Variants in USP13 observed in about 807,000 individuals in gnomAD.
The protein encoded by USP13 is ubiquitin carboxyl-terminal hydrolase 13.
Under a neutral mutation model 107.8 loss-of-function variants are expected in USP13, and 68 were observed. That is an observed-to-expected ratio of 0.63 (90% confidence interval 0.52 to 0.77). The LOEUF is 0.77. USP13 is among the 30% of genes least tolerant of loss of function. USP13 has a pLI of 0.00. For synonymous variants in USP13, 377 were observed against 389.5 expected (o/e 0.97, Z 0.38); for missense variants, 945 against 1,093.3 (o/e 0.86, Z 1.91).
intron 10 of USP13, among the ~76,000 whole-genome samples, chr3:179,737,931 C>G (rs1433118745): frequency 6.6e-6 from 1 of 152,192 alleles, no homozygotes; most frequent in African/African-American, 2.4e-5. Context: ...CAGGGAAATT[C>G]ATCAGATTTT....
chr3:179,667,611 G>A (rs1386892926), intron 1 of USP13, among the ~76,000 whole-genome samples: 1 of 152,102 alleles, frequency 6.6e-6, no homozygotes, highest in Non-Finnish European at 1.5e-5. Context: ...CAGCTGCAGT[G>A]GGGGACAGCA....
chr3:179,777,064 T>C (rs898956779), intron 19 of USP13, among the ~76,000 whole-genome samples: 2 of 152,162 alleles, frequency 1.3e-5, no homozygotes, highest in African/African-American at 4.8e-5. Context: ...TCGTGAATAA[T>C]GCATGGAGCA....
chr3:179,765,238 G>C (rs6777944), intron 18 of USP13, among the ~76,000 whole-genome samples: 7,282 of 152,264 alleles, frequency 0.048, 587 homozygotes, highest in African/African-American at 0.17. Flanking sequence ...CAGGAGAGAA[G>C]GCTCTAACAT....
At chr3:179,664,607 G>C (rs1441790228) in intron 1 of USP13, among the ~76,000 whole-genome samples, 1 of 152,164 alleles carries the variant, frequency 6.6e-6, no homozygotes, top group Admixed American at 6.6e-5. Flanking sequence ...GGTCTGTTCA[G>C]TATTGTGGTG....
intron 1 of USP13, among the ~76,000 whole-genome samples, chr3:179,680,098 A>G: frequency 6.6e-6 from 1 of 151,974 alleles, no homozygotes; most frequent in African/African-American, 2.4e-5. Flanking sequence ...TCTTGGGCCC[A>G]GGAGACTGAG....
At chr3:179,735,687 C>T (rs1395524326) in intron 10 of USP13, among the ~76,000 whole-genome samples, 2 of 152,028 alleles carry the variant, frequency 1.3e-5, no homozygotes, top group Non-Finnish European at 2.9e-5. Flanking sequence ...AGTTATGCAT[C>T]TGTAACTATA....
At chr3:179,726,379 C>T (rs1210888138) in intron 8 of USP13, among the ~76,000 whole-genome samples, 2 of 152,136 alleles carry the variant, frequency 1.3e-5, no homozygotes, top group African/African-American at 4.8e-5. Context: ...AAGGGATCTG[C>T]TTTTGGATTC....
At chr3:179,663,142 C>T (rs553508081) in intron 1 of USP13, among the ~76,000 whole-genome samples, 1 of 152,216 alleles carries the variant, frequency 6.6e-6, no homozygotes, top group Admixed American at 6.5e-5. Flanking sequence ...ACAATGACTC[C>T]CTGTTCTCCC....
chr3:179,752,987 T>C (rs976385925), intron 14 of USP13, among the ~76,000 whole-genome samples: 2 of 152,214 alleles, frequency 1.3e-5, no homozygotes, highest in Non-Finnish European at 2.9e-5. Context: ...CTGACCATTG[T>C]TAGAGGTTAA....
Position 179,742,143 on chromosome 3 carries a change from T to C in USP13, c.1381-54T>C. ...GGTTTAGAGTTCATTTTCTACTAAG[T>C]CTTAGTGGCTCAATATTCATACATT... On this transcript the variant is annotated intron_variant, in intron 11 of 20. Coordinates refer to ENST00000263966, the MANE Select transcript of USP13 (RefSeq NM_003940.3). This position sits in a 1 kb window ranked among gnomAD's most constrained non-coding sequence, Gnocchi z 5.0. 1 of 1,607,956 alleles carries C rather than the reference T, an allele frequency of 6.2e-7. No individual in the cohort carries two copies. Among genetic ancestry groups the C allele is most frequent in the South Asian group, 1.1e-5 (1 of 90,550 alleles).
chr3:179,768,918 A>G (rs1247695045), intron 19 of USP13, among the ~76,000 whole-genome samples: 1 of 152,212 alleles, frequency 6.6e-6, no homozygotes, highest in Non-Finnish European at 1.5e-5. Flanking sequence ...TTGTAAAAAA[A>G]TTAACACTTA....
At chr3:179,728,951 GGGAGAGGGAGACCGTGGGGAGAC>G (rs1337034336) in intron 8 of USP13, among the ~76,000 whole-genome samples, 1 of 150,300 alleles carries the variant, frequency 6.7e-6, no homozygotes, top group Non-Finnish European at 1.5e-5. Flanking sequence ...CGTGGAGAGA[GGGAGAGGGAGACCGTGGGGAGAC>G]GGAGAGGAAG....
At chr3:179,686,042 C>G (rs865895322) in intron 2 of USP13, among the ~76,000 whole-genome samples, 1 of 152,160 alleles carries the variant, frequency 6.6e-6, no homozygotes. Flanking sequence ...AAACCCCACA[C>G]TATGATGGGT....
intron 18 of USP13, 117 bp from the exon 19 acceptor site, chr3:179,765,578 A>AT (rs1715145137): frequency 3.2e-6 from 4 of 1,247,620 alleles, no homozygotes; most frequent in Non-Finnish European, 4.4e-6. Context: ...GGCACTTAGG[A>AT]CTAATTAATT....
chr3:179,714,870 CTTTTT>C (rs34976120), intron 6 of USP13, among the ~76,000 whole-genome samples: 11 of 137,474 alleles, frequency 8.0e-5, no homozygotes, highest in Admixed American at 1.5e-4. Context: ...TTTCCTTTTT[CTTTTT>C]TTTTTTTTTG....
chr3:179,736,196 G>A lies in USP13; in HGVS notation c.1255-4051G>A, dbSNP rs548357824. ...TTTTCTTTTTGCAAACTATTGATTTGTTGAAGGAGCTGGACTATTTGCTTT... is the reference window on the plus strand; with the variant it reads ...TTTTCTTTTTGCAAACTATTGATTTATTGAAGGAGCTGGACTATTTGCTTT... On this transcript the variant is annotated intron_variant, in intron 10 of 20. Transcript: ENST00000263966. Among the ~76,000 whole-genome samples the A allele has an allele frequency of 2.0e-5, 3 of 152,212 alleles. 1 individual carries two copies. The highest frequency in any genetic ancestry group is 7.2e-5 in the African/African-American group (3 of 41,510).
intron 3 of USP13, among the ~76,000 whole-genome samples, chr3:179,691,197 T>C (rs959343954): frequency 5.3e-5 from 8 of 152,094 alleles, no homozygotes; most frequent in Non-Finnish European, 1.0e-4. Flanking sequence ...AGTCAATTTT[T>C]TTCTTTTTAT....
chr3:179,773,355 G>C (rs1286842535), intron 19 of USP13, among the ~76,000 whole-genome samples: 1 of 152,098 alleles, frequency 6.6e-6, no homozygotes, highest in Non-Finnish European at 1.5e-5. Context: ...GTGCCTCTGG[G>C]GTCTTGGTAG....
chr3:179,720,508 T>G (rs1418900540), intron 7 of USP13, among the ~76,000 whole-genome samples: 1 of 152,234 alleles, frequency 6.6e-6, no homozygotes, highest in African/African-American at 2.4e-5. Flanking sequence ...GTTTTCAAAT[T>G]GATGTCATGA....
Sources: allele counts gnomAD v4.1 joint callset (sites outside exome capture counted in the v4.1 genomes callset), GRCh38; gene constraint gnomAD v4.1.1; non-coding constraint Gnocchi (gnomAD v3.1); transcripts MANE v1.5; gene names NCBI Gene and HGNC (gene_info 2026-07-23, HGNC 2026-07-21).